The following COL4A2 variants were observed in gnomAD, a reference collection of about 807,000 sequenced individuals.
COL4A2 encodes collagen type IV alpha 2 chain.
A neutral mutation model predicts 200.2 loss-of-function variants in COL4A2; 99 were observed. The observed-to-expected ratio is 0.49, with a 90% CI of 0.42 to 0.58. COL4A2 has a LOEUF of 0.58. Among genes scored for constraint, COL4A2 ranks in the 20% least tolerant of loss-of-function variants. The probability of loss-of-function intolerance (pLI) is 0.00; values close to 1 mark genes in which losing one functional copy is unlikely to be tolerated. For missense variants in COL4A2, 1,950 were observed against 2,314.1 expected (o/e 0.84, Z 3.23); for synonymous variants, 897 against 900.6 (o/e 1.00, Z 0.07).
At chr13:110,467,156 G>C in intron 27 of COL4A2, 60 bp downstream of exon 27, 1 of 1,602,676 alleles carries the variant, frequency 6.2e-7, no homozygotes, top group Non-Finnish European at 8.5e-7. Flanking sequence ...TCACACTGCT[G>C]TGTCTCCCCC....
rs151201590 is a variant in COL4A2 at position 110,502,810 on chromosome 13, G to A, written c.3878-311G>A. On this transcript the variant is annotated intron_variant, in intron 41 of 47. Coordinates refer to ENST00000360467, the MANE Select transcript of COL4A2 (RefSeq NM_001846.4). ...GTACAATGGCTGTTGCTGAGGGTTG[G>A]GGGGAGAGGGACACGGGGAGTGCGT... 1,736 of 293,432 alleles carry A rather than the reference G, an allele frequency of 5.9e-3. 13 individuals are homozygous for A. The highest frequency in any genetic ancestry group is 0.025 in the Middle Eastern group (23 of 934). 18.2% of individuals were successfully genotyped at this position (293,432 alleles called of 1,614,324 possible).
At chr13:110,510,503 A>C (rs1884047279) in intron 47 of COL4A2, among the ~76,000 whole-genome samples, 1 of 7,616 alleles carries the variant, frequency 1.3e-4, no homozygotes, top group Non-Finnish European at 0.011. Flanking sequence ...AGCTGCTATG[A>C]GTACCAAGCC....
intron 13 of COL4A2, among the ~76,000 whole-genome samples, chr13:110,436,741 T>C (rs1369270771): frequency 6.6e-6 from 1 of 152,238 alleles, no homozygotes; most frequent in Non-Finnish European, 1.5e-5. Context: ...AAATAAAACC[T>C]ACTTCTTTGC....
intron 4 of COL4A2, among the ~76,000 whole-genome samples, chr13:110,396,085 T>G (rs1879171065): frequency 6.6e-6 from 1 of 152,240 alleles, no homozygotes; most frequent in Non-Finnish European, 1.5e-5. Flanking sequence ...AGACTTAATC[T>G]TTAAAGCAGT....
At position 110,503,869 on chromosome 13, in the gene COL4A2, C is replaced by T. The variant is rs375767567; in HGVS notation, c.4161C>T (p.Ala1387=). 9.9e-6 allele frequency: 16 copies of T among 1,613,930 alleles called. No individual in the cohort carries two copies. In the South Asian group the frequency reaches 1.8e-4, roughly 18 times the overall value. ...GFPGAPGTVG[A]PGIAGIPQKI... ...CAGGTGCCCCCGGGACTGTGGGAGCCCCCGGGATTGCAGGAATCCCCCAGA... is the reference window on the plus strand; with the variant it reads ...CAGGTGCCCCCGGGACTGTGGGAGCTCCCGGGATTGCAGGAATCCCCCAGA... Residue 1387 remains alanine, a synonymous_variant, in exon 44 of 48, where the codon GCC becomes GCT. Coordinates refer to ENST00000360467, the MANE Select transcript of COL4A2 (RefSeq NM_001846.4).
intron 16 of COL4A2, among the ~76,000 whole-genome samples, chr13:110,440,339 G>A (rs996279437): frequency 6.6e-6 from 1 of 152,134 alleles, no homozygotes; most frequent in African/African-American, 2.4e-5. Flanking sequence ...GCTCATGCCT[G>A]TAATCCCAGG....
intron 34 of COL4A2, among the ~76,000 whole-genome samples, chr13:110,486,636 G>A (rs953022239): frequency 5.3e-5 from 8 of 152,308 alleles, no homozygotes; most frequent in African/African-American, 1.9e-4. Flanking sequence ...AACAGGCTTT[G>A]TGTGAGCAAT....
intron 3 of COL4A2, among the ~76,000 whole-genome samples, chr13:110,342,429 G>C (rs1876499497): frequency 6.6e-6 from 1 of 152,168 alleles, no homozygotes; most frequent in South Asian, 2.1e-4. Context: ...GTTGACACCT[G>C]CTGTTCCCCA....
intron 16 of COL4A2, 121 bp from the exon 17 acceptor site, chr13:110,445,707 TG>T: frequency 7.8e-7 from 1 of 1,275,362 alleles, no homozygotes; most frequent in South Asian, 1.4e-5. Flanking sequence ...GAGCACAGAC[TG>T]GGTTAATACA....
intron 39 of COL4A2, among the ~76,000 whole-genome samples, 184 bp from the exon 40 acceptor site, chr13:110,495,158 G>T (rs1291274536): frequency 1.3e-5 from 2 of 152,186 alleles, no homozygotes; most frequent in East Asian, 3.8e-4. Flanking sequence ...TGTGATCTCT[G>T]TAAGATCCCT....
chr13:110,403,735 C>T (rs1879460926), intron 4 of COL4A2, among the ~76,000 whole-genome samples: 1 of 152,134 alleles, frequency 6.6e-6, no homozygotes, highest in Non-Finnish European at 1.5e-5. Flanking sequence ...AGTTCTAAAG[C>T]TAATTTTACA....
intron 29 of COL4A2, chr13:110,473,352 G>A (rs1014341772): frequency 1.5e-4 from 79 of 533,702 alleles, no homozygotes; most frequent in Admixed American, 7.1e-4. Context: ...TAGCCAGTGC[G>A]ATCTGGCCAT....
chr13:110,307,525 C>G lies in COL4A2; in HGVS notation c.-48C>G. ...GGGCAGCAGCCCCTGAAGCCGAGCC[C>G]GAGGTGAGAGCGACCCCCGAGCGGC... On this transcript the variant is annotated 5_prime_UTR_variant, in exon 1 of 48. Coordinates refer to ENST00000360467, the MANE Select transcript of COL4A2 (RefSeq NM_001846.4). The surrounding 1 kb of genome is among the most constrained non-coding windows in gnomAD (Gnocchi z 5.0). 1 of 280,840 alleles carries G rather than the reference C, an allele frequency of 3.6e-6. No individual in the cohort carries two copies. Among genetic ancestry groups the G allele is most frequent in the Non-Finnish European group, 6.6e-6 (1 of 151,328 alleles). 17.4% of individuals were successfully genotyped at this position (280,840 alleles called of 1,614,324 possible). A position where few individuals can be genotyped will look rare whatever the true frequency, so the allele number is the denominator to read the frequency against.
At chr13:110,312,959 T>C (rs1197271057) in intron 3 of COL4A2, among the ~76,000 whole-genome samples, 1 of 152,210 alleles carries the variant, frequency 6.6e-6, no homozygotes, top group African/African-American at 2.4e-5. Context: ...AGGGCTGGCC[T>C]GTGCAGGTGT....
At chr13:110,428,377 T>C (rs1471622129) in intron 6 of COL4A2, 90 bp from the exon 7 acceptor site, 1 of 756,320 alleles carries the variant, frequency 1.3e-6, no homozygotes, top group Non-Finnish European at 2.2e-6. Flanking sequence ...GGAACATGGC[T>C]TATGAGAATA....
At chr13:110,448,211 G>C (rs1233401282) in intron 18 of COL4A2, among the ~76,000 whole-genome samples, 2 of 152,178 alleles carry the variant, frequency 1.3e-5, no homozygotes, top group Non-Finnish European at 2.9e-5. Context: ...AAGGAAATAT[G>C]CTGTTTGAGA....
At chr13:110,357,330 AT>A in intron 3 of COL4A2, 141 bp from the exon 4 acceptor site, 1 of 1,317,580 alleles carries the variant, frequency 7.6e-7, no homozygotes, top group South Asian at 1.5e-5. Flanking sequence ...AAATTAGTCT[AT>A]TTTTTTAAAA....
chr13:110,503,320 C>T, intron 42 of COL4A2, 38 bp downstream of exon 42: 1 of 1,591,228 alleles, frequency 6.3e-7, no homozygotes, highest in Non-Finnish European at 8.5e-7. Flanking sequence ...CAGCCCTGGC[C>T]ACAGTGAGAG....
intron 4 of COL4A2, among the ~76,000 whole-genome samples, chr13:110,388,584 T>C (rs2139419798): frequency 6.6e-6 from 1 of 152,336 alleles, no homozygotes; most frequent in East Asian, 1.9e-4. Flanking sequence ...AGAGCAATAC[T>C]TGCGACTTTA....
Sources: allele counts gnomAD v4.1 joint callset (sites outside exome capture counted in the v4.1 genomes callset), GRCh38; gene constraint gnomAD v4.1.1; non-coding constraint Gnocchi (gnomAD v3.1); transcripts MANE v1.5; gene names NCBI Gene and HGNC (gene_info 2026-07-23, HGNC 2026-07-21).